Variants in GFRA2 observed in about 807,000 individuals in gnomAD.
GFRA2 encodes GDNF family receptor alpha-2.
A neutral mutation model predicts 48.3 loss-of-function variants in GFRA2; 17 were observed. The observed-to-expected ratio is 0.35, with a 90% confidence interval of 0.24 to 0.53. The LOEUF is 0.53. Ranked by LOEUF, GFRA2 falls within the 20% of genes least tolerant of loss-of-function variation. The pLI, the probability that GFRA2 is intolerant of heterozygous loss-of-function variation, is 0.93. For synonymous variants in GFRA2, 305 were observed against 257.2 expected (o/e 1.19, Z -1.78); for missense variants, 660 against 637.3 (o/e 1.04, Z -0.38).
chr8:21,788,388 T>C lies in GFRA2; in HGVS notation c.-229A>G. The C allele has an allele frequency of 7.5e-7, 1 of 1,340,314 alleles. No homozygotes were observed. 83.0% of individuals were successfully genotyped at this position (1,340,314 alleles called of 1,614,324 possible). A position where few individuals can be genotyped will look rare whatever the true frequency, so the allele number is the denominator to read the frequency against. On this transcript the variant is annotated 5_prime_UTR_variant, in exon 1 of 9. Transcript: ENST00000524240. The stretch of plus-strand genomic sequence containing the variant: ...GGCTGCTGCCTCTCGACGCCCCCCT[T>C]GCCCGCTACAATCAAATATACGCGT...
intron 3 of GFRA2, among the ~76,000 whole-genome samples, chr8:21,767,480 G>A (rs1439668500): frequency 6.6e-6 from 1 of 152,254 alleles, no homozygotes; most frequent in Non-Finnish European, 1.5e-5. Flanking sequence ...GGGTGGGAGG[G>A]GAATGCCCAG....
intron 4 of GFRA2, among the ~76,000 whole-genome samples, chr8:21,725,355 G>A (rs1407692456): frequency 2.0e-5 from 3 of 152,220 alleles, no homozygotes; most frequent in Non-Finnish European, 2.9e-5. Flanking sequence ...GGCTTCAAGA[G>A]GGCAAGAGGC....
chr8:21,762,325 C>G (rs779222072), intron 3 of GFRA2, among the ~76,000 whole-genome samples: 1 of 152,182 alleles, frequency 6.6e-6, no homozygotes, highest in Non-Finnish European at 1.5e-5. Flanking sequence ...CCAGTCCTCT[C>G]AGTTGTCAAT....
chr8:21,768,291 A>C (rs1427311052), intron 3 of GFRA2, among the ~76,000 whole-genome samples: 1 of 152,216 alleles, frequency 6.6e-6, no homozygotes, highest in African/African-American at 2.4e-5. Flanking sequence ...TTTGAAATTT[A>C]AATAACATGC....
At chr8:21,731,791 G>A (rs577801809) in intron 4 of GFRA2, among the ~76,000 whole-genome samples, 20 of 152,332 alleles carry the variant, frequency 1.3e-4, no homozygotes, top group Middle Eastern at 3.4e-3. Context: ...AGCAAACAGC[G>A]AAGGAGACAG....
At chr8:21,795,362 T>G (rs1807650492) in intron 2 of GFRA2, among the ~76,000 whole-genome samples, 4 of 151,146 alleles carry the variant, frequency 2.6e-5, no homozygotes, top group Admixed American at 1.3e-4. Flanking sequence ...TCTTTTTTTT[T>G]TCTTTTTTCT....
intron 2 of GFRA2, among the ~76,000 whole-genome samples, chr8:21,782,027 G>GCAGGAGC (rs1267855672): frequency 2.0e-5 from 3 of 152,162 alleles, no homozygotes; most frequent in African/African-American, 7.2e-5. Flanking sequence ...AAGCAGGGAG[G>GCAGGAGC]CAGGAGCCAG....
chr8:21,803,755 C>T (rs1217437776), intron 2 of GFRA2, among the ~76,000 whole-genome samples: 15 of 152,198 alleles, frequency 9.9e-5, no homozygotes, highest in African/African-American at 2.9e-4. Flanking sequence ...ACTTCAGCCT[C>T]CCAAGTAGCT....
At chr8:21,797,250 T>C (rs1005538406) in intron 2 of GFRA2, among the ~76,000 whole-genome samples, 2 of 151,840 alleles carry the variant, frequency 1.3e-5, no homozygotes, top group Admixed American at 1.3e-4. Context: ...ACGCGGACAA[T>C]TGAGTGGCCT....
At chr8:21,792,222 A>G (rs1807585393), upstream of GFRA2, among the ~76,000 whole-genome samples, 1 of 152,208 alleles carries the variant, frequency 6.6e-6, no homozygotes, top group African/African-American at 2.4e-5. Context: ...GCCCCACCCC[A>G]ACACACGCAC....
In GFRA2 at chr8:21,748,520, A is replaced by G. The variant is rs73554746; in HGVS notation, c.794+2068T>C. 4.3e-3 allele frequency among the ~76,000 whole-genome samples: 659 copies of G among 152,258 alleles called. 5 individuals are homozygous for G. Among genetic ancestry groups the G allele is most frequent in the African/African-American group, 0.015 (628 of 41,538 alleles). On this transcript the variant is annotated intron_variant, in intron 4 of 8. Transcript: ENST00000524240. ...GCCACTTCCCAATCTCCTCTGAAAT[A>G]ATCCAGTTTTCTCCACACCCACACT...
At chr8:21,739,261 C>T (rs570977593) in intron 4 of GFRA2, among the ~76,000 whole-genome samples, 1 of 152,258 alleles carries the variant, frequency 6.6e-6, no homozygotes, top group Admixed American at 6.5e-5. Context: ...CAGGAGGATG[C>T]CAGTAGTGAT....
At chr8:21,718,724 C>T (rs917742028) in intron 4 of GFRA2, among the ~76,000 whole-genome samples, 4 of 152,122 alleles carry the variant, frequency 2.6e-5, no homozygotes, top group African/African-American at 9.7e-5. Flanking sequence ...GAGTGGTAAT[C>T]GAACAGTTCT....
chr8:21,789,718 C>T (rs1807495211), upstream of GFRA2, among the ~76,000 whole-genome samples: 1 of 151,988 alleles, frequency 6.6e-6, no homozygotes. Context: ...ACGCCCGCGG[C>T]GCGCTTGCCT....
At chr8:21,799,887 G>C (rs1371644042) in intron 2 of GFRA2, among the ~76,000 whole-genome samples, 1 of 152,214 alleles carries the variant, frequency 6.6e-6, no homozygotes, top group Non-Finnish European at 1.5e-5. Context: ...GGGAGATCAA[G>C]AGCTGGTGGC....
At chr8:21,775,595 C>T (rs974166415) in intron 2 of GFRA2, among the ~76,000 whole-genome samples, 7 of 152,320 alleles carry the variant, frequency 4.6e-5, no homozygotes, top group Non-Finnish European at 8.8e-5. Flanking sequence ...TCCCATCACA[C>T]CACGCCAGCT....
At chr8:21,759,110 G>A (rs1393354269) in intron 3 of GFRA2, among the ~76,000 whole-genome samples, 3 of 152,136 alleles carry the variant, frequency 2.0e-5, no homozygotes, top group Non-Finnish European at 2.9e-5. Flanking sequence ...CATAAAAAAG[G>A]TCGGCCGCAG....
chr8:21,752,527 T>C (rs1805344506), intron 3 of GFRA2, among the ~76,000 whole-genome samples: 5 of 152,156 alleles, frequency 3.3e-5, no homozygotes, highest in African/African-American at 1.2e-4. Flanking sequence ...TCAGTCTCCT[T>C]TTCTCTACAT....
intron 2 of GFRA2, among the ~76,000 whole-genome samples, chr8:21,800,970 T>G (rs1368212548): frequency 6.7e-6 from 1 of 150,000 alleles, no homozygotes; most frequent in Non-Finnish European, 1.5e-5. Flanking sequence ...ATCCACAAGA[T>G]TTTTCAGAAG....
Sources: allele counts gnomAD v4.1 joint callset (sites outside exome capture counted in the v4.1 genomes callset), GRCh38; gene constraint gnomAD v4.1.1; transcripts MANE v1.5; gene names NCBI Gene and HGNC (gene_info 2026-07-23, HGNC 2026-07-21).